ZNF407: variants seen among roughly 807,000 people sequenced by gnomAD.
ZNF407 encodes zinc finger protein 407.
In ZNF407, 17 loss-of-function variants were observed where a neutral mutation model predicts 131.2. That is an observed-to-expected ratio of 0.13 (90% CI 0.09 to 0.19). The LOEUF is 0.19. ZNF407 is among the 10% of genes least tolerant of loss of function. ZNF407 has a pLI of 1.00. For synonymous variants in ZNF407, 1,156 were observed against 1,062.0 expected (o/e 1.09, Z -1.72); for missense variants, 2,681 against 2,830.6 (o/e 0.95, Z 1.20).
chr18:74,867,576 ATCT>A (rs1274516467), intron 4 of ZNF407, among the ~76,000 whole-genome samples: 1 of 152,208 alleles, frequency 6.6e-6, no homozygotes, highest in Non-Finnish European at 1.5e-5. Context: ...CAGCATGAGT[ATCT>A]GACTGCAAAT....
At chr18:74,785,854 CACAT>C (rs1568214915) in intron 4 of ZNF407, among the ~76,000 whole-genome samples, 2 of 151,562 alleles carry the variant, frequency 1.3e-5, no homozygotes, top group South Asian at 2.1e-4. Flanking sequence ...GCACATGGCC[CACAT>C]GGCACACACG....
intron 3 of ZNF407, among the ~76,000 whole-genome samples, chr18:74,729,389 T>C (rs974089463): frequency 1.3e-5 from 2 of 152,196 alleles, no homozygotes; most frequent in Non-Finnish European, 2.9e-5. Context: ...ATTTTTCTTG[T>C]CCATTGATTT....
intron 2 of ZNF407, among the ~76,000 whole-genome samples, chr18:74,639,431 C>A (rs1984608756): frequency 6.6e-6 from 1 of 152,138 alleles, no homozygotes; most frequent in Admixed American, 6.5e-5. Flanking sequence ...TCTTCACACA[C>A]CTTACAAAAG....
intron 3 of ZNF407, among the ~76,000 whole-genome samples, chr18:74,652,873 G>A (rs1985291076): frequency 6.6e-6 from 1 of 151,960 alleles, no homozygotes; most frequent in Non-Finnish European, 1.5e-5. Flanking sequence ...GATCATTAGT[G>A]AGTTTGGAAT....
intron 8 of ZNF407, among the ~76,000 whole-genome samples, chr18:74,934,320 G>T (rs1466256327): frequency 2.6e-5 from 4 of 152,112 alleles, no homozygotes; most frequent in Non-Finnish European, 5.9e-5. Context: ...CATTGAGAGA[G>T]TACTTTTATT....
At chr18:74,615,303 G>A (rs1983238249) in intron 1 of ZNF407, among the ~76,000 whole-genome samples, 2 of 152,278 alleles carry the variant, frequency 1.3e-5, no homozygotes, top group Middle Eastern at 3.4e-3. Context: ...TCAAGAGATC[G>A]AGACCATCCT....
At chr18:74,890,116 G>A in intron 7 of ZNF407, 78 bp downstream of exon 7, 2 of 1,344,486 alleles carry the variant, frequency 1.5e-6, no homozygotes, top group Non-Finnish European at 1.9e-6. Context: ...CCAATTAGAA[G>A]TGTAGTTTTT....
chr18:74,943,855 A>G (rs1006565699), intron 8 of ZNF407, among the ~76,000 whole-genome samples: 1 of 152,182 alleles, frequency 6.6e-6, no homozygotes, highest in Non-Finnish European at 1.5e-5. Flanking sequence ...TACAGTGACT[A>G]TATGGAAAGT....
intron 3 of ZNF407, among the ~76,000 whole-genome samples, chr18:74,643,771 C>T (rs995054384): frequency 3.3e-5 from 5 of 151,890 alleles, no homozygotes; most frequent in African/African-American, 1.2e-4. Flanking sequence ...ATCAACTGCA[C>T]GTTTTGTGTT....
intron 4 of ZNF407, among the ~76,000 whole-genome samples, chr18:74,851,109 A>G (rs556229536): frequency 6.6e-6 from 1 of 152,346 alleles, no homozygotes; most frequent in African/African-American, 2.4e-5. Flanking sequence ...ACGTGTAGAA[A>G]ATGTTTAAAA....
chr18:74,713,789 A>G (rs1967826999), intron 3 of ZNF407, among the ~76,000 whole-genome samples: 1 of 152,198 alleles, frequency 6.6e-6, no homozygotes, highest in Admixed American at 6.5e-5. Flanking sequence ...CAGTGATGCC[A>G]TTACAAATAT....
chr18:74,646,655 C>T lies in ZNF407; in HGVS notation c.4802+5533C>T, dbSNP rs114367140. 3.8e-3 allele frequency among the ~76,000 whole-genome samples: 585 copies of T among 152,236 alleles called. 1 individual carries two copies. The highest frequency in any genetic ancestry group is 0.013 in the African/African-American group (554 of 41,554). On this transcript the variant is annotated intron_variant, in intron 3 of 8. Coordinates refer to ENST00000299687, the MANE Select transcript of ZNF407 (RefSeq NM_017757.3). ...CTTTTATGTACTGAATGAACATTTA[C>T]GATTTTTAAAACTGTACAAATGACT...
intron 3 of ZNF407, among the ~76,000 whole-genome samples, chr18:74,735,355 C>T (rs1968388407): frequency 1.3e-5 from 2 of 152,160 alleles, no homozygotes; most frequent in South Asian, 4.1e-4. Flanking sequence ...GTAAAATATA[C>T]TAGCTTAAAA....
At chr18:75,034,865 A>T (rs1365758570) in intron 8 of ZNF407, among the ~76,000 whole-genome samples, 2 of 152,166 alleles carry the variant, frequency 1.3e-5, no homozygotes, top group Non-Finnish European at 2.9e-5. Flanking sequence ...GTGGGAGGTT[A>T]ATGTATACAC....
At chr18:74,826,537 A>G (rs939843311) in intron 4 of ZNF407, among the ~76,000 whole-genome samples, 8 of 152,192 alleles carry the variant, frequency 5.3e-5, no homozygotes, top group Admixed American at 2.6e-4. Flanking sequence ...TACCCATGTC[A>G]TATCTACATT....
chr18:74,843,166 T>C (rs1970657360), intron 4 of ZNF407, among the ~76,000 whole-genome samples: 1 of 152,184 alleles, frequency 6.6e-6, no homozygotes, highest in Admixed American at 6.5e-5. Context: ...TGGGCATATG[T>C]GTTTTATATT....
At chr18:74,838,788 C>A (rs141357779) in intron 4 of ZNF407, among the ~76,000 whole-genome samples, 39 of 152,106 alleles carry the variant, frequency 2.6e-4, no homozygotes, top group African/African-American at 8.2e-4. Context: ...TTGAGTTAAA[C>A]CAGATTGATT....
At chr18:74,617,091 GCACCAACA>G (rs1983340244) in intron 1 of ZNF407, among the ~76,000 whole-genome samples, 1 of 288 alleles carries the variant, frequency 3.5e-3, no homozygotes, top group Non-Finnish European at 7.6e-3. Context: ...CCATATCCAT[GCACCAACA>G]CATCCATATC....
At chr18:74,680,423 C>T (rs1966955949) in intron 3 of ZNF407, among the ~76,000 whole-genome samples, 1 of 151,388 alleles carries the variant, frequency 6.6e-6, no homozygotes, top group African/African-American at 2.4e-5. Context: ...AAAATAGAAC[C>T]CCCAAACAAG....
Sources: allele counts gnomAD v4.1 joint callset (sites outside exome capture counted in the v4.1 genomes callset), GRCh38; gene constraint gnomAD v4.1.1; transcripts MANE v1.5; gene names NCBI Gene and HGNC (gene_info 2026-07-23, HGNC 2026-07-21).